RERE: variants seen among roughly 807,000 people sequenced by gnomAD.
RERE encodes arginine-glutamic acid dipeptide repeats protein.
RERE carries 40 observed loss-of-function variants against 146.1 expected under a neutral mutation model. The observed-to-expected ratio is 0.27, with a 90% CI of 0.21 to 0.36. RERE has a LOEUF of 0.36. Ranked by LOEUF, RERE falls within the 10% of genes least tolerant of loss-of-function variation. RERE has a pLI of 1.00. For synonymous variants in RERE, 1,003 were observed against 866.0 expected (o/e 1.16, Z -2.78); for missense variants, 1,933 against 2,138.7 (o/e 0.90, Z 1.90).
At chr1:8,482,158 C>T (rs1644841966) in intron 10 of RERE, among the ~76,000 whole-genome samples, 1 of 152,010 alleles carries the variant, frequency 6.6e-6, no homozygotes, top group Non-Finnish European at 1.5e-5. Context: ...AGACAAAAAG[C>T]AGATGAGAGG....
Position 8,557,503 on chromosome 1 carries a change from G to A in RERE, c.543C>T (p.Leu181=). The A allele has an allele frequency of 1.2e-6, 2 of 1,611,854 alleles. No homozygotes were observed. The highest frequency in any genetic ancestry group is 1.7e-6 in the Non-Finnish European group (2 of 1,177,918). The part of the protein sequence containing the change: ...GPVGSKRDHL[L]MNVKWYYRQS... Reference sequence around the variant, plus strand: ...GACGGTAGTACCATTTGACGTTCATGAGGAGATGGTCCCTCTTACTCTGAA... The same window carrying A: ...GACGGTAGTACCATTTGACGTTCATAAGGAGATGGTCCCTCTTACTCTGAA... The change falls in exon 5 of 23, where the codon CTC becomes CTT. Residue 181 remains leucine (L), a synonymous_variant. Transcript: ENST00000400908.
chr1:8,738,477 C>T (rs796163856), intron 1 of RERE, among the ~76,000 whole-genome samples: 3 of 152,030 alleles, frequency 2.0e-5, no homozygotes, highest in East Asian at 3.9e-4. Flanking sequence ...TGAGCCACCA[C>T]ACCCAGCCTA....
At chr1:8,382,385 C>A (rs184710538) in intron 12 of RERE, among the ~76,000 whole-genome samples, 102 of 152,388 alleles carry the variant, frequency 6.7e-4, no homozygotes, top group African/African-American at 2.4e-3. Flanking sequence ...TCTCAGCTGC[C>A]TCCACATGAA....
chr1:8,544,117 A>C (rs1222483589), intron 6 of RERE, among the ~76,000 whole-genome samples: 1 of 152,194 alleles, frequency 6.6e-6, no homozygotes, highest in African/African-American at 2.4e-5. Flanking sequence ...GAAATAATTG[A>C]CTGGTTTCCT....
intron 12 of RERE, among the ~76,000 whole-genome samples, chr1:8,380,375 G>T (rs1020042819): frequency 6.7e-6 from 1 of 149,234 alleles, no homozygotes; most frequent in African/African-American, 2.5e-5. Flanking sequence ...ACAAAACAGA[G>T]CCTTGCTCTG....
intron 3 of RERE, among the ~76,000 whole-genome samples, chr1:8,622,047 T>C (rs1441134902): frequency 6.6e-6 from 1 of 152,214 alleles, no homozygotes; most frequent in Admixed American, 6.5e-5. Flanking sequence ...TATCTAAACA[T>C]ACTGCACCCT....
rs906761770 is a variant in RERE at position 8,487,733 on chromosome 1, G to C, written c.1104+7330C>G. Among the ~76,000 whole-genome samples, 8 of 152,164 alleles carry C rather than the reference G, an allele frequency of 5.3e-5. No individual in the cohort carries two copies. In the East Asian group the frequency reaches 1.5e-3, roughly 29 times the overall value. ...GCACAAAAAAGAAATAAAACACATAGATCATAAAGGAAGAGGTAAAACTAT... is the reference window on the plus strand; with the variant it reads ...GCACAAAAAAGAAATAAAACACATACATCATAAAGGAAGAGGTAAAACTAT... On this transcript the variant is annotated intron_variant, in intron 10 of 22. Coordinates refer to ENST00000400908, the MANE Select transcript of RERE (RefSeq NM_001042681.2).
chr1:8,723,161 G>A (rs1033991316), intron 1 of RERE, among the ~76,000 whole-genome samples: 1 of 152,270 alleles, frequency 6.6e-6, no homozygotes, highest in Non-Finnish European at 1.5e-5. Flanking sequence ...TCACCAAAAT[G>A]GGAGGGGGAG....
intron 4 of RERE, among the ~76,000 whole-genome samples, chr1:8,582,406 AC>A (rs1159880466): frequency 6.7e-6 from 1 of 148,360 alleles, no homozygotes; most frequent in Non-Finnish European, 1.5e-5. Context: ...TTCTTTAAAA[AC>A]TTTTTTTCTT....
intron 2 of RERE, among the ~76,000 whole-genome samples, chr1:8,646,544 AAAAC>A (rs1371697619): frequency 9.6e-4 from 146 of 151,882 alleles, no homozygotes; most frequent in South Asian, 2.5e-3. Context: ...CACTCAAAAA[AAAAC>A]AAACAAACAA....
chr1:8,714,234 C>A (rs1197539533), intron 1 of RERE, among the ~76,000 whole-genome samples: 1 of 152,084 alleles, frequency 6.6e-6, no homozygotes, highest in Non-Finnish European at 1.5e-5. Context: ...AAATGAAATT[C>A]TCTCAACTTT....
At chr1:8,774,347 A>AT (rs34859762) in intron 1 of RERE, among the ~76,000 whole-genome samples, 15,566 of 92,818 alleles carry the variant, frequency 0.17, 2,116 homozygotes, top group African/African-American at 0.2. Flanking sequence ...TTGGCAAACT[A>AT]TTTTTTTTTT....
At chr1:8,615,596 T>C (rs185988661) in intron 3 of RERE, among the ~76,000 whole-genome samples, 1 of 152,212 alleles carries the variant, frequency 6.6e-6, no homozygotes, top group African/African-American at 2.4e-5. Flanking sequence ...AATACTTATA[T>C]AAGAACCTGT....
At chr1:8,756,511 A>C (rs1640641717) in intron 1 of RERE, among the ~76,000 whole-genome samples, 1 of 152,192 alleles carries the variant, frequency 6.6e-6, no homozygotes, top group Admixed American at 6.5e-5. Context: ...TACAATCAAA[A>C]TGAGAACCAT....
intron 12 of RERE, among the ~76,000 whole-genome samples, chr1:8,371,302 G>T (rs186600566): frequency 1.3e-3 from 192 of 152,204 alleles, no homozygotes; most frequent in African/African-American, 4.5e-3. Flanking sequence ...CTTGGCTCCT[G>T]GACTTAGGAG....
intron 8 of RERE, among the ~76,000 whole-genome samples, chr1:8,504,531 A>T (rs1468405133): frequency 6.6e-6 from 1 of 152,204 alleles, no homozygotes; most frequent in Non-Finnish European, 1.5e-5. Flanking sequence ...ACTGTTTTGA[A>T]ATCCCTAATA....
At chr1:8,480,687 C>T (rs576372467) in intron 10 of RERE, among the ~76,000 whole-genome samples, 2 of 151,738 alleles carry the variant, frequency 1.3e-5, no homozygotes, top group East Asian at 1.9e-4. Context: ...CCACCCGCCT[C>T]GGCCTCCCAA....
At chr1:8,393,484 G>A (rs1239211227) in intron 12 of RERE, among the ~76,000 whole-genome samples, 1 of 152,146 alleles carries the variant, frequency 6.6e-6, no homozygotes, top group Non-Finnish European at 1.5e-5. Flanking sequence ...ACTGCTCTGG[G>A]TGAGCACTCC....
intron 1 of RERE, among the ~76,000 whole-genome samples, chr1:8,774,153 C>T (rs1188287279): frequency 6.6e-6 from 1 of 152,070 alleles, no homozygotes; most frequent in Non-Finnish European, 1.5e-5. Flanking sequence ...TTCGAGGCAT[C>T]CCATTCTCTA....
Sources: allele counts gnomAD v4.1 joint callset (sites outside exome capture counted in the v4.1 genomes callset), GRCh38; gene constraint gnomAD v4.1.1; transcripts MANE v1.5; gene names NCBI Gene and HGNC (gene_info 2026-07-23, HGNC 2026-07-21).